AKAP9: variants seen among roughly 807,000 people sequenced by gnomAD.
The protein encoded by AKAP9 is A-kinase anchoring protein 9.
In AKAP9, 311 loss-of-function variants were observed where a neutral mutation model predicts 488.5. That is an observed-to-expected ratio of 0.64 (90% CI 0.58 to 0.70). The LOEUF (loss-of-function observed/expected upper bound fraction) is 0.70, where lower values mean the gene tolerates loss of function less well. Ranked by LOEUF, AKAP9 falls within the 30% of genes least tolerant of loss-of-function variation. The probability of loss-of-function intolerance (pLI) is 0.00; values close to 1 mark genes in which losing one functional copy is unlikely to be tolerated. For missense variants in AKAP9, 4,215 were observed against 4,374.5 expected (o/e 0.96, Z 1.03); for synonymous variants, 1,462 against 1,483.5 (o/e 0.99, Z 0.33).
rs1562998566 is a variant in AKAP9, at chr7:92,022,963, T to A, written c.4102T>A (p.Leu1368Ile). 6.2e-7 allele frequency: 1 copy of A among 1,614,060 alleles called. No homozygotes were observed. The highest frequency in any genetic ancestry group is 8.5e-7 in the Non-Finnish European group (1 of 1,179,940). Residue 1368 changes from leucine to isoleucine, a missense_variant, in exon 14 of 50, where the codon TTA becomes ATA. Physicochemically the swap from Leu to Ile is conservative, Grantham distance 5. Transcript: ENST00000356239. Reference sequence around the variant, plus strand: ...AAACTATGAGGCAGAGATCCACTGTTTACAGAAGAGGCTTCAAGCTGTTAG... The same window carrying A: ...AAACTATGAGGCAGAGATCCACTGTATACAGAAGAGGCTTCAAGCTGTTAG... ...EQNYEAEIHC[L>I]QKRLQAVSES...
intron 21 of AKAP9, among the ~76,000 whole-genome samples, chr7:92,050,814 T>A (rs532939693): frequency 1.3e-5 from 2 of 152,168 alleles, no homozygotes; most frequent in Non-Finnish European, 2.9e-5. Flanking sequence ...TTCAGACTAA[T>A]CATTTTTCAT....
chr7:91,987,664 A>G (rs2130618361), intron 3 of AKAP9, among the ~76,000 whole-genome samples: 1 of 152,298 alleles, frequency 6.6e-6, no homozygotes, highest in Non-Finnish European at 1.5e-5. Context: ...GTGATGCTCT[A>G]GGCTAGTTTT....
chr7:91,993,197 T>C (rs904720616), intron 5 of AKAP9, 142 bp downstream of exon 5: 5 of 891,468 alleles, frequency 5.6e-6, no homozygotes, highest in South Asian at 3.5e-5. Flanking sequence ...TCTTCTTCTT[T>C]TTTTTTTTCC....
chr7:92,096,428 G>A (rs1222185491), intron 40 of AKAP9, among the ~76,000 whole-genome samples: 1 of 148,200 alleles, frequency 6.7e-6, no homozygotes, highest in African/African-American at 2.5e-5. Flanking sequence ...TCCACCTCCC[G>A]GGTTCAAGCA....
chr7:92,063,255 A>G (rs1010950303), intron 24 of AKAP9, among the ~76,000 whole-genome samples: 1 of 152,098 alleles, frequency 6.6e-6, no homozygotes, highest in African/African-American at 2.4e-5. Flanking sequence ...TTAGTTTGGG[A>G]TTTTTAATAT....
intron 3 of AKAP9, among the ~76,000 whole-genome samples, chr7:91,982,211 C>CT (rs1796521181): frequency 6.7e-6 from 1 of 149,760 alleles, no homozygotes; most frequent in Non-Finnish European, 1.5e-5. Context: ...ATGTATGATA[C>CT]TTTAAGTTCT....
chr7:92,105,567 A>G (rs1319495227), intron 46 of AKAP9, 111 bp from the exon 47 acceptor site: 6 of 830,808 alleles, frequency 7.2e-6, no homozygotes, highest in African/African-American at 1.7e-5. Flanking sequence ...GCAATTGTGA[A>G]ATTTGACATT....
chr7:92,005,740 A>G lies in AKAP9; in HGVS notation c.3318+2505A>G, dbSNP rs1799749631. On this transcript the variant is annotated intron_variant, in intron 8 of 49. Coordinates refer to ENST00000356239, the MANE Select transcript of AKAP9 (RefSeq NM_005751.5). ...GAGTGCAGTGGCGTGATCTCAGCTC[A>G]CTACAACCTCCGCCTCCCGGGTTCA... Among the ~76,000 whole-genome samples the G allele has an allele frequency of 2.0e-5, 3 of 152,144 alleles. No homozygotes were observed. In the South Asian group the frequency reaches 6.2e-4, roughly 32 times the overall value.
At chr7:91,947,559 C>T (rs1026306202) in intron 1 of AKAP9, among the ~76,000 whole-genome samples, 1 of 152,160 alleles carries the variant, frequency 6.6e-6, no homozygotes, top group Non-Finnish European at 1.5e-5. Flanking sequence ...CCAGGCTGGT[C>T]TCAAACTCCT....
intron 22 of AKAP9, among the ~76,000 whole-genome samples, chr7:92,060,556 A>G (rs1439289845): frequency 6.6e-6 from 1 of 152,158 alleles, no homozygotes; most frequent in Non-Finnish European, 1.5e-5. Context: ...TAAGCCTTCT[A>G]TCATCTTAAA....
chr7:92,108,152 C>G (rs1316477139), intron 48 of AKAP9, among the ~76,000 whole-genome samples: 1 of 152,016 alleles, frequency 6.6e-6, no homozygotes, highest in Non-Finnish European at 1.5e-5. Context: ...TTAGTGTATG[C>G]TATGGTTAGA....
In AKAP9 at chr7:92,079,203, A is replaced by G; in HGVS notation, c.7070A>G (p.Glu2357Gly). 6 of 1,614,116 alleles carry G rather than the reference A, an allele frequency of 3.7e-6. No individual in the cohort carries two copies. Among genetic ancestry groups the G allele is most frequent in the South Asian group, 1.1e-5 (1 of 91,072 alleles). Residue 2357 changes from glutamate to glycine, a missense_variant, in exon 31 of 50, where the codon GAA becomes GGA. Glu to Gly is a moderately conservative substitution (Grantham distance 98). Transcript: ENST00000356239. ...EEIEQLNEVI[E>G]KLQQELANIG... Reference sequence around the variant, plus strand: ...ATAGAGCAGCTCAATGAAGTGATTGAAAAACTTCAACAGGAATTGGCAAAT... The same window carrying G: ...ATAGAGCAGCTCAATGAAGTGATTGGAAAACTTCAACAGGAATTGGCAAAT...
At chr7:91,969,730 T>G (rs1794825649) in intron 1 of AKAP9, among the ~76,000 whole-genome samples, 1 of 152,178 alleles carries the variant, frequency 6.6e-6, no homozygotes, top group African/African-American at 2.4e-5. Context: ...GCTACTCCTG[T>G]TCTTTTTTGG....
rs372381497 is a variant in AKAP9, at chr7:92,077,863, A to G, written c.6933A>G (p.Thr2311=). The G allele has an allele frequency of 6.2e-7, 1 of 1,611,754 alleles. No homozygotes were observed. Residue 2311 remains threonine (T), a synonymous_variant, in exon 30 of 50, where the codon ACA becomes ACG. Transcript: ENST00000356239. ...AACTCCAGCAGCAACTTAAAATTAC[A>G]ACAGATAACAAGGTATACTCATTTA... ...VTKLQQQLKI[T]TDNKVIEEKN... is the part of the protein sequence containing the mutation.
intron 37 of AKAP9, 147 bp from the exon 38 acceptor site, chr7:92,089,238 A>G: frequency 2.9e-6 from 2 of 701,736 alleles, no homozygotes; most frequent in East Asian, 2.8e-5. Context: ...ATATCCTCAT[A>G]CATTTTGGAA....
At chr7:92,098,683 G>A (rs1817053555) in intron 43 of AKAP9, among the ~76,000 whole-genome samples, 2 of 152,054 alleles carry the variant, frequency 1.3e-5, no homozygotes, top group South Asian at 2.1e-4. Context: ...TCTTTCATCA[G>A]TTGCCTTTAT....
chr7:92,100,871 T>C lies in AKAP9; in HGVS notation c.10912T>C (p.Leu3638=), dbSNP rs761644697. The change falls in exon 45 of 50, where the codon TTG becomes CTG. Residue 3638 remains leucine (L), a synonymous_variant. Coordinates refer to ENST00000356239, the MANE Select transcript of AKAP9 (RefSeq NM_005751.5). ...AGRDNSSRFS[L]NGGANIEAII... ...GTCTTTGCAGTCTTCCAGGTTTTCA[T>C]TGAATGGTGGTGCCAACATTGAAGC... The C allele has an allele frequency of 6.8e-6, 11 of 1,614,188 alleles. No homozygotes were observed. The highest frequency in any genetic ancestry group is 5.5e-5 in the South Asian group (5 of 91,086).
intron 7 of AKAP9, 134 bp downstream of exon 7, chr7:91,995,934 A>G (rs1337288081): frequency 1.5e-6 from 1 of 685,466 alleles, no homozygotes; most frequent in Non-Finnish European, 2.5e-6. Context: ...AATTTATTTC[A>G]AAAGCAAATG....
chr7:92,059,711 A>C (rs1375087304), intron 22 of AKAP9, among the ~76,000 whole-genome samples: 1 of 121,876 alleles, frequency 8.2e-6, no homozygotes, highest in African/African-American at 3.4e-5. Context: ...AAAAATGACA[A>C]ACGTGTAAAA....
Sources: allele counts gnomAD v4.1 joint callset (sites outside exome capture counted in the v4.1 genomes callset), GRCh38; gene constraint gnomAD v4.1.1; transcripts MANE v1.5; gene names NCBI Gene and HGNC (gene_info 2026-07-23, HGNC 2026-07-21).